The following MTUS1 variants were observed in gnomAD, a reference collection of about 807,000 sequenced individuals.
The protein encoded by MTUS1 is microtubule-associated tumor suppressor 1.
Under a neutral mutation model 120.8 loss-of-function variants are expected in MTUS1, and 109 were observed. The observed-to-expected ratio is 0.90, with a 90% CI of 0.77 to 1.06. The LOEUF (loss-of-function observed/expected upper bound fraction) is 1.06. Among genes scored for constraint, MTUS1 ranks in the 50% least tolerant of loss-of-function variants. MTUS1 has a pLI of 0.00. For synonymous variants in MTUS1, 737 were observed against 550.5 expected (o/e 1.34, Z -4.74); for missense variants, 2,210 against 1,486.3 (o/e 1.49, Z -8.01).
At chr8:17,786,963 T>C (rs1191009110) in intron 1 of MTUS1, among the ~76,000 whole-genome samples, 1 of 152,152 alleles carries the variant, frequency 6.6e-6, no homozygotes, top group Non-Finnish European at 1.5e-5. Context: ...AAAATAAAAG[T>C]TGAATTTTTA....
chr8:17,701,690 G>A (rs1207096720), intron 6 of MTUS1, among the ~76,000 whole-genome samples: 1 of 152,020 alleles, frequency 6.6e-6, no homozygotes, highest in African/African-American at 2.4e-5. Flanking sequence ...TGGGACTACA[G>A]GCGCCCGCCA....
chr8:17,673,162 T>C (rs939606834), intron 8 of MTUS1, among the ~76,000 whole-genome samples: 17 of 152,184 alleles, frequency 1.1e-4, no homozygotes, highest in East Asian at 1.9e-4. Context: ...GGGTTGGTCA[T>C]TTAGGTAATC....
chr8:17,724,235 C>T (rs2046056944), intron 3 of MTUS1: 5 of 370,224 alleles, frequency 1.4e-5, no homozygotes, highest in Non-Finnish European at 2.6e-5. Context: ...TCCATTAGGA[C>T]AATAGGCTAT....
chr8:17,745,474 A>C (rs1367158956), intron 2 of MTUS1, among the ~76,000 whole-genome samples: 1 of 152,182 alleles, frequency 6.6e-6, no homozygotes, highest in East Asian at 1.9e-4. Context: ...GAATATTTTC[A>C]GTCCAAGTTT....
chr8:17,650,098 A>T (rs1806668046), intron 12 of MTUS1, 136 bp from the exon 13 acceptor site: 1 of 683,656 alleles, frequency 1.5e-6, no homozygotes, highest in East Asian at 2.6e-5. Flanking sequence ...ATTTCAAAGA[A>T]AGAGGTGAAA....
intron 12 of MTUS1, among the ~76,000 whole-genome samples, chr8:17,650,495 G>A (rs1452534318): frequency 6.6e-6 from 1 of 151,890 alleles, no homozygotes; most frequent in Non-Finnish European, 1.5e-5. Flanking sequence ...TTTCTATTGT[G>A]ACACCCCAGT....
rs766166952 is a variant in MTUS1 at position 17,723,838 on chromosome 8, G to C, written c.2288-5C>G. The C allele has an allele frequency of 1.3e-6, 2 of 1,543,658 alleles. No individual in the cohort carries two copies. The highest frequency in any genetic ancestry group is 1.7e-6 in the Non-Finnish European group (2 of 1,146,646). ...TTTTCAAGGATGTAGGCTTTCCTTGGGGTTTAAAAAAAACAAAAAGTTTCC... is the reference window on the plus strand; with the variant it reads ...TTTTCAAGGATGTAGGCTTTCCTTGCGGTTTAAAAAAAACAAAAAGTTTCC... On this transcript the variant is annotated splice_region_variant and splice_polypyrimidine_tract_variant and intron_variant, in intron 3 of 14. Coordinates refer to ENST00000693296, the MANE Select transcript of MTUS1 (RefSeq NM_001363059.2).
rs2048533650 is a variant in MTUS1 at position 17,755,396 on chromosome 8, AAGG to A, written c.409_411del (p.Pro137del). On this transcript the variant is annotated inframe_deletion, in exon 2 of 15. Transcript: ENST00000693296. ...AAATTGTCATTAGGCTTCCACACAAAAGGCAAAGATGGCTCAACACTCTGGCCC... is the reference window on the plus strand; with the variant it reads ...AAATTGTCATTAGGCTTCCACACAAACAAAGATGGCTCAACACTCTGGCCC... The A allele has an allele frequency of 1.2e-6, 2 of 1,614,212 alleles. No individual in the cohort carries two copies. The highest frequency in any genetic ancestry group is 2.7e-5 in the African/African-American group (2 of 75,066).
At chr8:17,666,310 C>A (rs80257931) in intron 8 of MTUS1, among the ~76,000 whole-genome samples, 1 of 151,222 alleles carries the variant, frequency 6.6e-6, no homozygotes, top group East Asian at 1.9e-4. Context: ...GATTTTAAGT[C>A]AGGGACTATT....
chr8:17,687,672 C>T (rs1045312375), intron 6 of MTUS1, among the ~76,000 whole-genome samples: 2 of 152,214 alleles, frequency 1.3e-5, no homozygotes, highest in African/African-American at 2.4e-5. Flanking sequence ...CCACCATCAG[C>T]TGTGATCCAG....
In MTUS1 at chr8:17,755,147, T is replaced by C. The variant is rs770372254; in HGVS notation, c.661A>G (p.Thr221Ala). ...SHSDKTHARETTYDRESFENP... is the reference protein window; with the variant it reads ...SHSDKTHAREATYDRESFENP... ...TCAAAGCTTTCTCTATCATAAGTAG[T>C]TTCTCTTGCATGCGTCTTATCAGAA... The change falls in exon 2 of 15, where the codon ACT becomes GCT. Residue 221 changes from threonine (T) to alanine (A), a missense_variant. Transcript: ENST00000693296. The C allele has an allele frequency of 3.1e-6, 5 of 1,614,154 alleles. No homozygotes were observed. The Admixed American group carries it at 8.3e-5, about 27-fold the overall frequency.
intron 7 of MTUS1, among the ~76,000 whole-genome samples, chr8:17,677,020 G>T (rs1462112414): frequency 6.6e-6 from 1 of 152,156 alleles, no homozygotes; most frequent in Non-Finnish European, 1.5e-5. Context: ...AGCAGGGACT[G>T]GGATTTAAGA....
intron 1 of MTUS1, among the ~76,000 whole-genome samples, chr8:17,757,298 T>G (rs2048697977): frequency 6.6e-6 from 1 of 152,168 alleles, no homozygotes; most frequent in African/African-American, 2.4e-5. Context: ...AAGAAGCCAG[T>G]CATGAAAGTC....
In MTUS1 at chr8:17,754,492, G is replaced by T. The variant is rs150198962; in HGVS notation, c.1316C>A (p.Thr439Asn). 5 of 1,614,014 alleles carry T rather than the reference G, an allele frequency of 3.1e-6. No individual in the cohort carries two copies. The South Asian group carries it at 4.4e-5, about 14-fold the overall frequency. The change falls in exon 2 of 15, where the codon ACC becomes AAC. Residue 439 changes from threonine to asparagine, a missense_variant. Physicochemically the swap from Thr to Asn is moderately conservative, Grantham distance 65. Coordinates refer to ENST00000693296, the MANE Select transcript of MTUS1 (RefSeq NM_001363059.2). ...CGCTTCAATCGGTGAAACAGAAAAG[G>T]TTACTTTTGTGGGTTCTAGGACTGG... ...STPVLEPTKV[T>N]FSVSPIEATE...
At position 17,754,245 on chromosome 8, in the gene MTUS1, C is replaced by T; in HGVS notation, c.1563G>A (p.Gln521=). The part of the protein sequence containing the change: ...KAKVMSRAVL[Q]PKDAALSKVT... Reference sequence around the variant, plus strand: ...CCTTTGATAAAGCAGCATCTTTGGGCTGCAACACTGCTCTAGACATAACTT... The same window carrying T: ...CCTTTGATAAAGCAGCATCTTTGGGTTGCAACACTGCTCTAGACATAACTT... The change falls in exon 2 of 15, where the codon CAG becomes CAA. Residue 521 remains glutamine (Q), a synonymous_variant. Transcript: ENST00000693296. The T allele has an allele frequency of 1.2e-6, 2 of 1,614,096 alleles. No homozygotes were observed. Among genetic ancestry groups the T allele is most frequent in the Non-Finnish European group, 1.7e-6 (2 of 1,180,024 alleles).
chr8:17,744,780 G>A (rs1305038129), intron 2 of MTUS1, among the ~76,000 whole-genome samples: 1 of 145,500 alleles, frequency 6.9e-6, no homozygotes, highest in Non-Finnish European at 1.5e-5. Flanking sequence ...TCCACACTTC[G>A]TGATCTGCCG....
At chr8:17,690,169 C>G (rs1816669845) in intron 6 of MTUS1, among the ~76,000 whole-genome samples, 1 of 152,062 alleles carries the variant, frequency 6.6e-6, no homozygotes, top group South Asian at 2.1e-4. Flanking sequence ...ACGCTAGCAA[C>G]TAGCAAGAAA....
chr8:17,720,279 A>G (rs2045728024), intron 4 of MTUS1, among the ~76,000 whole-genome samples: 1 of 151,256 alleles, frequency 6.6e-6, no homozygotes, highest in African/African-American at 2.4e-5. Flanking sequence ...CGGGAGGCAG[A>G]GGTTGCAGTG....
chr8:17,703,084 C>T (rs1819424443), intron 6 of MTUS1, among the ~76,000 whole-genome samples: 1 of 152,128 alleles, frequency 6.6e-6, no homozygotes, highest in Non-Finnish European at 1.5e-5. Flanking sequence ...ATCAGTGCAC[C>T]TTGAAAATGA....
Sources: gnomAD v4.1 joint callset for allele counts (sites outside exome capture counted in the v4.1 genomes callset) on GRCh38, gnomAD v4.1.1 for gene constraint, MANE v1.5 for transcripts, NCBI Gene and HGNC (gene_info 2026-07-23, HGNC 2026-07-21) for gene names.